ARFGEF1: variants seen among roughly 807,000 people sequenced by gnomAD.
ARFGEF1 encodes the protein brefeldin A-inhibited guanine nucleotide-exchange protein 1.
A neutral mutation model predicts 231.0 loss-of-function variants in ARFGEF1; 42 were observed. The observed-to-expected ratio is 0.18, with a 90% CI of 0.14 to 0.24. The LOEUF (loss-of-function observed/expected upper bound fraction) is 0.24, where lower values mean the gene tolerates loss of function less well. Among genes scored for constraint, ARFGEF1 ranks in the 10% least tolerant of loss-of-function variants. The probability of loss-of-function intolerance (pLI) is 1.00; values close to 1 mark genes in which losing one functional copy is unlikely to be tolerated. For synonymous variants in ARFGEF1, 710 were observed against 732.3 expected, an observed-to-expected ratio of 0.97 and a Z score of 0.49; for missense variants, 1,345 against 2,192.0, an observed-to-expected ratio of 0.61 and a Z score of 7.72.
chr8:67,315,225 T>C (rs934411576), intron 1 of ARFGEF1, among the ~76,000 whole-genome samples: 1 of 152,124 alleles, frequency 6.6e-6, no homozygotes, highest in Admixed American at 6.6e-5. Context: ...TAATCCTAAA[T>C]GTGTATATAA....
chr8:67,278,816 A>G (rs910582361), intron 7 of ARFGEF1, among the ~76,000 whole-genome samples: 24 of 152,350 alleles, frequency 1.6e-4, no homozygotes, highest in African/African-American at 5.5e-4. Flanking sequence ...TTTTGCATTA[A>G]TAAGTATAAC....
chr8:67,248,616 C>T (rs1840177891), intron 19 of ARFGEF1, among the ~76,000 whole-genome samples: 1 of 150,130 alleles, frequency 6.7e-6, no homozygotes, highest in Non-Finnish European at 1.5e-5. Flanking sequence ...CACAGGTAAC[C>T]AAAGTAAAAA....
At chr8:67,306,578 A>T (rs1047574829) in intron 1 of ARFGEF1, among the ~76,000 whole-genome samples, 1 of 152,184 alleles carries the variant, frequency 6.6e-6, no homozygotes, top group Non-Finnish European at 1.5e-5. Context: ...CAGTACAAAT[A>T]CAACCCGCAA....
At position 67,197,790 on chromosome 8, in the gene ARFGEF1, AT is replaced by A. The variant is rs1838130571; in HGVS notation, c.*1143del. On this transcript the variant is annotated 3_prime_UTR_variant, in exon 39 of 39. Transcript: ENST00000262215. The stretch of plus-strand genomic sequence containing the variant: ...ACATAGAAAACTTTACATCTGTACC[AT>A]ATACATTTTGTCCATCTGAAAAAAT... 1 of 985,778 alleles carries A rather than the reference AT, an allele frequency of 1.0e-6. No homozygotes were observed. Among genetic ancestry groups the A allele is most frequent in the African/African-American group, 1.7e-5 (1 of 57,262 alleles). 61.1% of individuals were successfully genotyped at this position (985,778 alleles called of 1,614,324 possible). A position where few individuals can be genotyped will look rare whatever the true frequency, so the allele number is the denominator to read the frequency against.
intron 14 of ARFGEF1, among the ~76,000 whole-genome samples, chr8:67,264,131 G>GA (rs1804752603): frequency 6.6e-6 from 1 of 151,982 alleles, no homozygotes; most frequent in African/African-American, 2.4e-5. Context: ...CTAAGAGAGG[G>GA]AAAAAATAGA....
Position 67,244,945 on chromosome 8 carries a change from A to T in ARFGEF1, c.2851-4655T>A, listed in dbSNP as rs1486716428. Among the ~76,000 whole-genome samples, 3 of 150,448 alleles carry T rather than the reference A, an allele frequency of 2.0e-5. 1 individual carries two copies. The highest frequency in any genetic ancestry group is 7.4e-5 in the African/African-American group (3 of 40,282). On this transcript the variant is annotated intron_variant, in intron 19 of 38. Coordinates refer to ENST00000262215, the MANE Select transcript of ARFGEF1 (RefSeq NM_006421.5). ...GGCTTTTTAATAATTAAACTCACAAAGGTCAAAGATAAAGGATCCTAAAAG... is the reference window on the plus strand; with the variant it reads ...GGCTTTTTAATAATTAAACTCACAATGGTCAAAGATAAAGGATCCTAAAAG...
intron 7 of ARFGEF1, among the ~76,000 whole-genome samples, chr8:67,279,425 A>G (rs991289621): frequency 2.6e-5 from 4 of 152,062 alleles, no homozygotes; most frequent in African/African-American, 9.7e-5. Flanking sequence ...TCCTTTTTCA[A>G]TTTTGTGCAC....
At chr8:67,252,768 T>C (rs1840338547) in intron 18 of ARFGEF1, among the ~76,000 whole-genome samples, 1 of 152,192 alleles carries the variant, frequency 6.6e-6, no homozygotes, top group Non-Finnish European at 1.5e-5. Flanking sequence ...CTAAGGACTC[T>C]ACAGTGATGT....
chr8:67,319,461 A>G (rs1384032799), intron 1 of ARFGEF1, among the ~76,000 whole-genome samples: 2 of 151,918 alleles, frequency 1.3e-5, no homozygotes, highest in African/African-American at 2.4e-5. Context: ...GAGAAAGGAT[A>G]ATCTTTTCAA....
chr8:67,291,419 CT>C lies in ARFGEF1; in HGVS notation c.916+427del, dbSNP rs58068449. 9.5e-3 allele frequency among the ~76,000 whole-genome samples: 1,386 copies of C among 145,450 alleles called. 5 individuals carry two copies. The highest frequency in any genetic ancestry group is 0.011 in the Admixed American group (153 of 14,554). ...TTTGTTTTTATATTTAATTTCAGTACTTTTTTTTTTTTACCATAATCATATT... is the reference window on the plus strand; with the variant it reads ...TTTGTTTTTATATTTAATTTCAGTACTTTTTTTTTTTACCATAATCATATT... On this transcript the variant is annotated intron_variant, in intron 6 of 38. Coordinates refer to ENST00000262215, the MANE Select transcript of ARFGEF1 (RefSeq NM_006421.5).
At chr8:67,335,298 G>A (rs957246626) in intron 1 of ARFGEF1, among the ~76,000 whole-genome samples, 12 of 151,850 alleles carry the variant, frequency 7.9e-5, no homozygotes, top group African/African-American at 2.9e-4. Context: ...GTAGAGACGG[G>A]GTTTCACTGT....
chr8:67,288,115 CT>C, intron 6 of ARFGEF1, 50 bp from the exon 7 acceptor site: 2 of 1,232,048 alleles, frequency 1.6e-6, no homozygotes, highest in Non-Finnish European at 2.3e-6. Context: ...TTTTTGGAAG[CT>C]TTTTACTAAA....
At chr8:67,186,917 T>C (rs542575386) in intron 5 of ARFGEF1, among the ~76,000 whole-genome samples, 6 of 152,282 alleles carry the variant, frequency 3.9e-5, no homozygotes, top group African/African-American at 1.4e-4. Flanking sequence ...AAAAACACAA[T>C]ACCACTTACA....
At position 67,224,893 on chromosome 8, in the gene ARFGEF1, AG is replaced by A; in HGVS notation, c.4208+9del. The A allele has an allele frequency of 2.0e-6, 3 of 1,519,198 alleles. No homozygotes were observed. The highest frequency in any genetic ancestry group is 4.3e-5 in the Admixed American group (2 of 46,170). The allele number at this position is 1,519,198 out of a possible 1,614,324, so 94.1% of individuals were successfully genotyped here. ...AATCCAAAATTTTAATTACAAATATAGATTGTTACCTGGTTCTTACATCTAA... is the reference window on the plus strand; with the variant it reads ...AATCCAAAATTTTAATTACAAATATAATTGTTACCTGGTTCTTACATCTAA... On this transcript the variant is annotated intron_variant, in intron 29 of 38. Coordinates refer to ENST00000262215, the MANE Select transcript of ARFGEF1 (RefSeq NM_006421.5).
chr8:67,284,051 T>G (rs189674651), intron 7 of ARFGEF1, among the ~76,000 whole-genome samples: 3 of 152,218 alleles, frequency 2.0e-5, no homozygotes, highest in East Asian at 1.9e-4. Flanking sequence ...GCAGCATTAT[T>G]TGTAACAGCA....
At chr8:67,311,242 A>G (rs370783784) in intron 1 of ARFGEF1, among the ~76,000 whole-genome samples, 1,314 of 39,764 alleles carry the variant, frequency 0.033, no homozygotes, top group Non-Finnish European at 0.036. Context: ...GGAGGTGGGG[A>G]GGTCAGCCCC....
intron 30 of ARFGEF1, 142 bp downstream of exon 30, chr8:67,219,289 T>C (rs909228576): frequency 2.2e-6 from 2 of 919,758 alleles, no homozygotes; most frequent in Non-Finnish European, 3.1e-6. Flanking sequence ...TATAAAGACA[T>C]AGTATTACAT....
At chr8:67,196,366 C>T (rs1837938523), downstream of ARFGEF1, 1 of 152,154 alleles carries the variant, frequency 6.6e-6, no homozygotes, top group Non-Finnish European at 1.5e-5. Flanking sequence ...TCTTCTTCTT[C>T]CACCATGGAA....
chr8:67,298,083 G>A (rs956958550), intron 4 of ARFGEF1, among the ~76,000 whole-genome samples: 2 of 151,142 alleles, frequency 1.3e-5, no homozygotes, highest in Non-Finnish European at 2.9e-5. Flanking sequence ...TGGGATTACA[G>A]GCATGAGCTA....
Sources: allele counts gnomAD v4.1 joint callset (sites outside exome capture counted in the v4.1 genomes callset), GRCh38; gene constraint gnomAD v4.1.1; transcripts MANE v1.5; gene names NCBI Gene and HGNC (gene_info 2026-07-23, HGNC 2026-07-21).